BTG4: variants seen among roughly 807,000 people sequenced by gnomAD.
BTG4 encodes protein BTG4.
A neutral mutation model predicts 19.3 loss-of-function variants in BTG4; 10 were observed. That is an observed-to-expected ratio of 0.52 (90% CI 0.32 to 0.88). The LOEUF is 0.88. BTG4 is among the 40% of genes least tolerant of loss of function. BTG4 has a pLI of 0.04. For synonymous variants in BTG4, 91 were observed against 95.7 expected (o/e 0.95, Z 0.29); for missense variants, 238 against 281.9 (o/e 0.84, Z 1.11).
At chr11:111,498,834 G>A in intron 1 of BTG4, 32 bp from the exon 2 acceptor site, 1 of 1,422,740 alleles carries the variant, frequency 7.0e-7, no homozygotes. Flanking sequence ...AGAAGAAATA[G>A]AAAGAAATGG....
chr11:111,466,181 C>T (rs546953800), downstream of BTG4, among the ~76,000 whole-genome samples: 1 of 152,272 alleles, frequency 6.6e-6, no homozygotes, highest in South Asian at 2.1e-4. Flanking sequence ...CAGTGACTTT[C>T]TTGGGGTCTT....
chr11:111,497,147 T>C, intron 4 of BTG4, 64 bp downstream of exon 4: 1 of 1,407,310 alleles, frequency 7.1e-7, no homozygotes, highest in African/African-American at 1.5e-5. Flanking sequence ...GTTTTCATAA[T>C]GAGTGCATTC....
chr11:111,406,122 T>G, the BTG4 span, among the ~76,000 whole-genome samples: 6 of 152,194 alleles, frequency 3.9e-5, no homozygotes, highest in African/African-American at 1.4e-4. Flanking sequence ...ATAAGTGACT[T>G]GCTAAAAATC....
chr11:111,465,179 A>G (rs545359878), downstream of BTG4, among the ~76,000 whole-genome samples: 29 of 152,254 alleles, frequency 1.9e-4, no homozygotes, highest in African/African-American at 6.0e-4. Flanking sequence ...TTCAACTCAC[A>G]CACATCCCAA....
chr11:111,509,492 C>T (rs1401491542), intron 1 of BTG4, among the ~76,000 whole-genome samples: 2 of 151,824 alleles, frequency 1.3e-5, no homozygotes, highest in African/African-American at 2.4e-5. Flanking sequence ...GTCAGGAGTT[C>T]GAGACCAGCC....
chr11:111,489,697 GCAA>G (rs1865295876), intron 5 of BTG4, among the ~76,000 whole-genome samples: 2 of 152,180 alleles, frequency 1.3e-5, no homozygotes, highest in East Asian at 3.9e-4. Context: ...CCTGTCATTT[GCAA>G]CAACATGGAT....
intron 1 of BTG4, among the ~76,000 whole-genome samples, chr11:111,505,420 T>C (rs1303064128): frequency 6.6e-6 from 1 of 152,078 alleles, no homozygotes; most frequent in African/African-American, 2.4e-5. Flanking sequence ...TGGCTAGCCA[T>C]ATGCAGAAGA....
At chr11:111,510,568 G>GCAT (rs1555121037) in intron 1 of BTG4, among the ~76,000 whole-genome samples, 5 of 152,038 alleles carry the variant, frequency 3.3e-5, no homozygotes, top group Non-Finnish European at 7.4e-5. Context: ...AACCATAAAG[G>GCAT]GAATGAGATC....
At chr11:111,452,952 G>A in the BTG4 span, among the ~76,000 whole-genome samples, 1 of 152,138 alleles carries the variant, frequency 6.6e-6, no homozygotes, top group African/African-American at 2.4e-5. Flanking sequence ...GCAGTGGGGA[G>A]GAGGAACAGA....
chr11:111,408,465 T>C, the BTG4 span, among the ~76,000 whole-genome samples: 1 of 152,198 alleles, frequency 6.6e-6, no homozygotes, highest in Non-Finnish European at 1.5e-5. Context: ...ATATGGCTAT[T>C]GGCCCAGGAC....
chr11:111,384,238 T>A, the BTG4 span, among the ~76,000 whole-genome samples: 206 of 152,242 alleles, frequency 1.4e-3, no homozygotes, highest in African/African-American at 5.0e-3. Context: ...TGTTGGCCAG[T>A]ACTATGACAA....
chr11:111,408,979 G>T, the BTG4 span, among the ~76,000 whole-genome samples: 1 of 152,222 alleles, frequency 6.6e-6, no homozygotes, highest in South Asian at 2.1e-4. Flanking sequence ...TGGGCAGGAT[G>T]CAGTGGACTC....
At chr11:111,489,150 A>T (rs1162057975) in intron 5 of BTG4, among the ~76,000 whole-genome samples, 6 of 152,088 alleles carry the variant, frequency 3.9e-5, no homozygotes, top group African/African-American at 1.4e-4. Context: ...TCTCAAAAAA[A>T]AAAAAGACAA....
chr11:111,426,955 A>G, the BTG4 span, among the ~76,000 whole-genome samples: 1 of 152,190 alleles, frequency 6.6e-6, no homozygotes, highest in African/African-American at 2.4e-5. Flanking sequence ...AACACAATTG[A>G]TTTACAATCC....
the BTG4 span, among the ~76,000 whole-genome samples, chr11:111,406,265 C>T: frequency 5.3e-5 from 8 of 152,222 alleles, no homozygotes; most frequent in African/African-American, 1.9e-4. Context: ...CAGGCACACG[C>T]CACTGTGCTG....
chr11:111,455,706 C>T, the BTG4 span: 8 of 419,480 alleles, frequency 1.9e-5, no homozygotes, highest in Admixed American at 1.5e-4. Flanking sequence ...CCGGAACTGG[C>T]CAAAACAAAA....
the BTG4 span, chr11:111,415,772 G>T: frequency 6.6e-6 from 1 of 152,572 alleles, no homozygotes; most frequent in South Asian, 2.0e-4. Context: ...CAGGTGCAGT[G>T]GCTCATGCCT....
At chr11:111,410,880 G>A in the BTG4 span, among the ~76,000 whole-genome samples, 9 of 152,240 alleles carry the variant, frequency 5.9e-5, no homozygotes, top group East Asian at 1.9e-4. Flanking sequence ...ACTTGGGGTC[G>A]TCCTTGGCTT....
intron 5 of BTG4, chr11:111,469,727 C>T (rs638089): frequency 0.48 from 72,738 of 152,560 alleles, 17,964 homozygotes; most frequent in South Asian, 0.62. Context: ...AAAGCTTTAA[C>T]AGCAATTGTA....
Sources: gnomAD v4.1 joint callset for allele counts (sites outside exome capture counted in the v4.1 genomes callset) on GRCh38, gnomAD v4.1.1 for gene constraint, MANE v1.5 for transcripts, NCBI Gene and HGNC (gene_info 2026-07-23, HGNC 2026-07-21) for gene names.